The following FGD3 variants were observed in gnomAD, a reference collection of about 807,000 sequenced individuals.
The protein encoded by FGD3 is FYVE, RhoGEF and PH domain containing 3, also known as FYVE, RhoGEF and PH domain-containing protein 3.
FGD3 carries 45 observed loss-of-function variants against 71.8 expected under a neutral mutation model. That is an observed-to-expected ratio of 0.63 (90% CI 0.49 to 0.80). FGD3 has a LOEUF of 0.80. Ranked by LOEUF, FGD3 falls within the 30% of genes least tolerant of loss-of-function variation. The probability of loss-of-function intolerance (pLI) is 0.00; values close to 1 mark genes in which losing one functional copy is unlikely to be tolerated. For missense variants in FGD3, 844 were observed against 951.5 expected, an observed-to-expected ratio of 0.89 and a Z score of 1.49; for synonymous variants, 378 against 392.8, an observed-to-expected ratio of 0.96 and a Z score of 0.44.
At chr9:92,956,146 T>G (rs76660777) in intron 1 of FGD3, among the ~76,000 whole-genome samples, 6,040 of 152,310 alleles carry the variant, frequency 0.04, 151 homozygotes, top group Middle Eastern at 0.071. Context: ...TTTGTTTGTT[T>G]TCGCTTCTTG....
At chr9:92,980,703 G>C (rs1376595183) in intron 3 of FGD3, among the ~76,000 whole-genome samples, 1 of 152,018 alleles carries the variant, frequency 6.6e-6, no homozygotes, top group African/African-American at 2.4e-5. Context: ...CAGGTGCGGT[G>C]GCTCACTCCT....
chr9:93,015,249 A>T (rs1003772208), intron 9 of FGD3, among the ~76,000 whole-genome samples: 2 of 152,064 alleles, frequency 1.3e-5, no homozygotes, highest in Non-Finnish European at 2.9e-5. Context: ...TGAGGTCAGG[A>T]CTTTGAGACC....
At chr9:93,035,063 A>G (rs1862540392) in intron 17 of FGD3, among the ~76,000 whole-genome samples, 1 of 152,196 alleles carries the variant, frequency 6.6e-6, no homozygotes, top group African/African-American at 2.4e-5. Context: ...GGGGCCAGAC[A>G]GCCCAAAGAA....
chr9:92,976,659 G>A lies in FGD3; in HGVS notation c.403G>A (p.Asp135Asn). The change falls in exon 3 of 18, where the codon GAC becomes AAC. Residue 135 changes from aspartate (D) to asparagine (N), a missense_variant. Physicochemically the swap from Asp to Asn is conservative, Grantham distance 23. Coordinates refer to ENST00000375482, the MANE Select transcript of FGD3 (RefSeq NM_001083536.2). Reference protein sequence around the residue: ...EADSDVGEEPDSENTPQKADK... With the variant: ...EADSDVGEEPNSENTPQKADK... Reference sequence around the variant, plus strand: ...GGACAGCGACGTGGGTGAGGAACCTGACTCTGAGAACACCCCCCAGAAGGC... The same window carrying A: ...GGACAGCGACGTGGGTGAGGAACCTAACTCTGAGAACACCCCCCAGAAGGC... The A allele has an allele frequency of 6.2e-7, 1 of 1,610,570 alleles. No individual in the cohort carries two copies. The highest frequency in any genetic ancestry group is 8.5e-7 in the Non-Finnish European group (1 of 1,178,656).
At position 93,032,970 on chromosome 9, in the gene FGD3, G is replaced by A. The variant is rs774863589; in HGVS notation, c.1785+97G>A. 73 of 1,190,440 alleles carry A rather than the reference G, an allele frequency of 6.1e-5. No homozygotes were observed. In the African/African-American group the frequency reaches 6.8e-4, roughly 11 times the overall value. The allele number at this position is 1,190,440 out of a possible 1,614,324, so 73.7% of individuals were successfully genotyped here. A position where few individuals can be genotyped will look rare whatever the true frequency, so the allele number is the denominator to read the frequency against. On this transcript the variant is annotated intron_variant, in intron 16 of 17. Transcript: ENST00000375482. Reference sequence around the variant, plus strand: ...AGCAGCTCCAGCTGCCTCTGCTTTCGGAGTGTCCCTGGGACCAGGATAGAT... The same window carrying A: ...AGCAGCTCCAGCTGCCTCTGCTTTCAGAGTGTCCCTGGGACCAGGATAGAT...
intron 10 of FGD3, among the ~76,000 whole-genome samples, chr9:93,017,103 TATAAAAA>T (rs2118779018): frequency 6.6e-6 from 1 of 152,190 alleles, no homozygotes; most frequent in Admixed American, 6.5e-5. Context: ...ACCGTGTCTC[TATAAAAA>T]ATAAAAAATT....
chr9:93,028,935 G>A (rs1303732940), intron 14 of FGD3, among the ~76,000 whole-genome samples: 1 of 150,114 alleles, frequency 6.7e-6, no homozygotes, highest in Non-Finnish European at 1.5e-5. Context: ...AGGAGACAGA[G>A]GAGGGTACAG....
In FGD3 at chr9:92,975,222, A is replaced by G. The variant is rs1003858403; in HGVS notation, c.-217-16A>G. ...TTGGAGAAGGTGGTTTTCTTTCTCT[A>G]CTAATGTCTTTTCAGTACCTCCTAA... On this transcript the variant is annotated splice_polypyrimidine_tract_variant and intron_variant, in intron 1 of 17. Transcript: ENST00000375482. The G allele has an allele frequency of 6.6e-6, 1 of 152,198 alleles. No individual in the cohort carries two copies. The highest frequency in any genetic ancestry group is 2.4e-5 in the African/African-American group (1 of 41,426). 9.4% of individuals were successfully genotyped at this position (152,198 alleles called of 1,614,324 possible).
chr9:93,000,715 T>C, intron 3 of FGD3, among the ~76,000 whole-genome samples: 1 of 152,204 alleles, frequency 6.6e-6, no homozygotes, highest in East Asian at 1.9e-4. Context: ...TTCAAGATTT[T>C]CTTTGTATTT....
intron 1 of FGD3, among the ~76,000 whole-genome samples, chr9:92,972,496 G>A (rs1274723986): frequency 6.6e-6 from 1 of 151,698 alleles, no homozygotes; most frequent in Non-Finnish European, 1.5e-5. Flanking sequence ...TTAGATGTAG[G>A]TATAGAATTA....
At chr9:92,955,819 T>G (rs1397676718) in intron 1 of FGD3, among the ~76,000 whole-genome samples, 1 of 152,228 alleles carries the variant, frequency 6.6e-6, no homozygotes, top group Non-Finnish European at 1.5e-5. Flanking sequence ...CGGAGTCATA[T>G]AGCATGTAAT....
At chr9:92,975,854 G>C (rs568260248) in intron 2 of FGD3, among the ~76,000 whole-genome samples, 3 of 152,158 alleles carry the variant, frequency 2.0e-5, no homozygotes, top group African/African-American at 4.8e-5. Flanking sequence ...CCACGGATGC[G>C]CTATAAACAG....
At chr9:93,022,195 C>T in intron 13 of FGD3, 132 bp from the exon 14 acceptor site, 1 of 838,078 alleles carries the variant, frequency 1.2e-6, no homozygotes, top group Non-Finnish European at 1.8e-6. Context: ...AAATCCTAGG[C>T]CTGGGAAATC....
intron 1 of FGD3, among the ~76,000 whole-genome samples, chr9:92,956,834 C>CTTTTTTTTTTT (rs34469364): frequency 7.8e-6 from 1 of 127,748 alleles, no homozygotes; most frequent in Non-Finnish European, 1.6e-5. Context: ...TAATTGCTTT[C>CTTTTTTTTTTT]TTTCTTTTTT....
At chr9:92,997,010 G>A (rs903232952) in intron 3 of FGD3, among the ~76,000 whole-genome samples, 2 of 152,180 alleles carry the variant, frequency 1.3e-5, no homozygotes, top group Non-Finnish European at 2.9e-5. Flanking sequence ...GTGCAGAGCT[G>A]AGTTCAATTC....
chr9:93,012,687 C>CG (rs1279341124), intron 8 of FGD3, among the ~76,000 whole-genome samples: 1 of 59,050 alleles, frequency 1.7e-5, no homozygotes, highest in African/African-American at 1.1e-4. Flanking sequence ...TGGGCGGTGG[C>CG]GGGGTGTGGG....
chr9:92,956,994 A>G (rs4260949), intron 1 of FGD3, among the ~76,000 whole-genome samples: 49,251 of 151,836 alleles, frequency 0.32, 8,370 homozygotes, highest in Middle Eastern at 0.43. Context: ...ATGCCACCAT[A>G]CCCAGCTCTA....
At chr9:93,026,084 A>G (rs1862102810) in intron 14 of FGD3, among the ~76,000 whole-genome samples, 2 of 152,248 alleles carry the variant, frequency 1.3e-5, no homozygotes, top group South Asian at 4.1e-4. Flanking sequence ...CTGGGCTCCA[A>G]TTCTGTGTAA....
chr9:93,010,927 G>A (rs1024252590), intron 7 of FGD3, among the ~76,000 whole-genome samples: 1 of 152,016 alleles, frequency 6.6e-6, no homozygotes, highest in East Asian at 2.0e-4. Context: ...GCTGCTCCTG[G>A]TCCAAGGGCA....
Sources: gnomAD v4.1 joint callset for allele counts (sites outside exome capture counted in the v4.1 genomes callset) on GRCh38, gnomAD v4.1.1 for gene constraint, MANE v1.5 for transcripts, NCBI Gene and HGNC (gene_info 2026-07-23, HGNC 2026-07-21) for gene names.